Variants in TIAL1 observed in about 807,000 individuals in gnomAD.
TIAL1 encodes the protein nucleolysin TIAR.
In TIAL1, 7 loss-of-function variants were observed where a neutral mutation model predicts 59.7. The observed-to-expected ratio is 0.12, with a 90% CI of 0.07 to 0.22. TIAL1 has a LOEUF of 0.22. Ranked by LOEUF, TIAL1 falls within the 10% of genes least tolerant of loss-of-function variation. TIAL1 has a pLI of 1.00. For missense variants in TIAL1, 225 were observed against 462.5 expected (o/e 0.49, Z 4.71); for synonymous variants, 149 against 146.3 (o/e 1.02, Z -0.13).
Position 119,582,453 on chromosome 10 carries a change from T to C in TIAL1, c.228+6A>G, listed in dbSNP as rs746144500. The stretch of plus-strand genomic sequence containing the variant: ...CTCATAAGGTGCCATCATCCTATTA[T>C]CTTACCTTTCCCAAAATTTTTCTCC... On this transcript the variant is annotated splice_donor_region_variant and intron_variant, in intron 3 of 11. Transcript: ENST00000436547. This position sits in a 1 kb window ranked among gnomAD's most constrained non-coding sequence, Gnocchi z 5.1. The C allele has an allele frequency of 1.3e-6, 2 of 1,594,786 alleles. No homozygotes were observed. Among genetic ancestry groups the C allele is most frequent in the South Asian group, 1.1e-5 (1 of 87,238 alleles).
At chr10:119,577,785 A>C in intron 7 of TIAL1, 49 bp from the exon 8 acceptor site, 1 of 1,476,592 alleles carries the variant, frequency 6.8e-7, no homozygotes, top group South Asian at 1.1e-5. Context: ...TTGTACTATG[A>C]AACTCTTCTG....
intron 1 of TIAL1, among the ~76,000 whole-genome samples, chr10:119,593,212 C>G (rs1245590697): frequency 6.6e-6 from 1 of 152,200 alleles, no homozygotes; most frequent in Admixed American, 6.5e-5. Flanking sequence ...GTCAGACAGT[C>G]CAGTTCCAAC....
intron 7 of TIAL1, 64 bp from the exon 8 acceptor site, chr10:119,577,800 T>C: frequency 7.2e-7 from 1 of 1,386,012 alleles, no homozygotes; most frequent in African/African-American, 1.4e-5. Flanking sequence ...CTTCTGTTAA[T>C]TACTATATAC....
At chr10:119,577,864 C>T in intron 7 of TIAL1, 128 bp from the exon 8 acceptor site, 1 of 719,706 alleles carries the variant, frequency 1.4e-6, no homozygotes, top group South Asian at 1.7e-5. Flanking sequence ...CTGAGGTGGG[C>T]AGATCACCTG....
chr10:119,591,993 T>C (rs1216338722), intron 1 of TIAL1: 1 of 152,234 alleles, frequency 6.6e-6, no homozygotes, highest in East Asian at 1.9e-4. Context: ...GATCATCTCT[T>C]GGTAGTTCAT....
At chr10:119,594,830 G>A (rs1432327302) in intron 1 of TIAL1, among the ~76,000 whole-genome samples, 4 of 152,048 alleles carry the variant, frequency 2.6e-5, no homozygotes, top group African/African-American at 9.7e-5. Flanking sequence ...TCACCGTGTT[G>A]GCCAGGAAGG....
At chr10:119,595,489 G>A (rs1846122336) in intron 1 of TIAL1, among the ~76,000 whole-genome samples, 1 of 150,386 alleles carries the variant, frequency 6.6e-6, no homozygotes, top group Non-Finnish European at 1.5e-5. Context: ...ATTCAGAAAG[G>A]AATGCAAATG....
chr10:119,596,305 G>T, intron 1 of TIAL1, 129 bp downstream of exon 1: 2 of 970,050 alleles, frequency 2.1e-6, no homozygotes, highest in Non-Finnish European at 3.2e-6. Context: ...TGCACTTCGC[G>T]TCCACGCCGC....
intron 7 of TIAL1, 98 bp downstream of exon 7, chr10:119,578,628 C>G (rs1214152090): frequency 9.1e-7 from 1 of 1,101,748 alleles, no homozygotes; most frequent in East Asian, 2.4e-5. Context: ...AAGACCCTGT[C>G]TCTTACATAA....
chr10:119,578,683 T>C (rs1393189061), intron 7 of TIAL1, 43 bp downstream of exon 7: 1 of 1,458,944 alleles, frequency 6.9e-7, no homozygotes, highest in Non-Finnish European at 9.6e-7. Flanking sequence ...TACATGATTT[T>C]GTGAAGAATA....
chr10:119,584,928 A>G (rs1233807813), intron 2 of TIAL1, among the ~76,000 whole-genome samples: 1 of 151,958 alleles, frequency 6.6e-6, no homozygotes, highest in African/African-American at 2.4e-5. Context: ...AATATGGTGA[A>G]ACCTTGTCTC....
chr10:119,593,698 C>T (rs1846001480), intron 1 of TIAL1, among the ~76,000 whole-genome samples: 2 of 152,114 alleles, frequency 1.3e-5, no homozygotes, highest in Admixed American at 6.5e-5. Flanking sequence ...CGTCTAAAAT[C>T]ATGTTCAGTT....
At chr10:119,590,527 T>C (rs962854088) in intron 1 of TIAL1, among the ~76,000 whole-genome samples, 1 of 151,896 alleles carries the variant, frequency 6.6e-6, no homozygotes, top group Non-Finnish European at 1.5e-5. Flanking sequence ...CTGACCAACA[T>C]GGTGAAACCC....
chr10:119,577,291 G>A (rs1845049096), intron 9 of TIAL1, 88 bp from the exon 10 acceptor site: 1 of 1,489,680 alleles, frequency 6.7e-7, no homozygotes, highest in Admixed American at 2.5e-5. Flanking sequence ...GTTTACACCT[G>A]CAAGTTGGTA....
chr10:119,575,369 G>T lies in TIAL1; in HGVS notation c.*296C>A, dbSNP rs1844934081. On this transcript the variant is annotated 3_prime_UTR_variant, in exon 12 of 12. Transcript: ENST00000436547. ...TGGAATAGTATCTAAGAATCAAAAT[G>T]TATTAGCCATTTTTCCTATTATATC... 7.7e-6 allele frequency: 2 copies of T among 259,886 alleles called. No homozygotes were observed. Among genetic ancestry groups the T allele is most frequent in the Admixed American group, 1.0e-4 (2 of 19,780 alleles). 16.1% of individuals were successfully genotyped at this position (259,886 alleles called of 1,614,324 possible).
chr10:119,586,083 T>G (rs1845559265), intron 2 of TIAL1, among the ~76,000 whole-genome samples: 1 of 152,202 alleles, frequency 6.6e-6, no homozygotes, highest in Non-Finnish European at 1.5e-5. Flanking sequence ...CAAATACCAC[T>G]GCAAGCTTCA....
At chr10:119,579,803 C>T (rs1476802046) in intron 6 of TIAL1, 132 bp downstream of exon 6, 5 of 596,458 alleles carry the variant, frequency 8.4e-6, no homozygotes, top group Admixed American at 3.7e-5. Flanking sequence ...ATTATTAAAA[C>T]ATACATAACA....
intron 1 of TIAL1, 129 bp from the exon 2 acceptor site, chr10:119,588,377 CTT>C (rs1209468638): frequency 1.2e-5 from 6 of 519,986 alleles, no homozygotes; most frequent in South Asian, 7.6e-5. Context: ...GAGTTTTGCT[CTT>C]GTTGCCCAGG....
At chr10:119,575,990 A>G (rs1589858726) in intron 11 of TIAL1, among the ~76,000 whole-genome samples, 199 bp from the exon 12 acceptor site, 2 of 152,218 alleles carry the variant, frequency 1.3e-5, no homozygotes, top group African/African-American at 4.8e-5. Context: ...TATTTTTAAG[A>G]TAACCACAAC....
Sources: allele counts gnomAD v4.1 joint callset (sites outside exome capture counted in the v4.1 genomes callset), GRCh38; gene constraint gnomAD v4.1.1; non-coding constraint Gnocchi (gnomAD v3.1); transcripts MANE v1.5; gene names NCBI Gene and HGNC (gene_info 2026-07-23, HGNC 2026-07-21).